The following ATP10D variants were observed in gnomAD, a reference collection of about 807,000 sequenced individuals.
ATP10D encodes phospholipid-transporting ATPase VD.
ATP10D carries 89 observed loss-of-function variants against 144.8 expected under a neutral mutation model. The ratio of observed to expected loss-of-function variants is 0.61; its 90% CI spans 0.52 to 0.73. The LOEUF is 0.73. ATP10D is among the 30% of genes least tolerant of loss of function. ATP10D has a pLI of 0.00. For missense variants in ATP10D, 1,603 were observed against 1,714.8 expected (o/e 0.93, Z 1.15); for synonymous variants, 571 against 615.1 (o/e 0.93, Z 1.06).
chr4:47,581,713 G>A (rs910056900), intron 20 of ATP10D, among the ~76,000 whole-genome samples: 1 of 152,144 alleles, frequency 6.6e-6, no homozygotes, highest in Non-Finnish European at 1.5e-5. Flanking sequence ...TGAGTGAAAG[G>A]TTCCAGGAGG....
At chr4:47,577,088 G>C in intron 19 of ATP10D, 115 bp downstream of exon 19, 1 of 898,644 alleles carries the variant, frequency 1.1e-6, no homozygotes, top group South Asian at 1.7e-5. Flanking sequence ...ATATCTGATT[G>C]TTTTAAAAGA....
intron 1 of ATP10D, among the ~76,000 whole-genome samples, chr4:47,497,549 C>T (rs1715453643): frequency 6.6e-6 from 1 of 151,986 alleles, no homozygotes; most frequent in Non-Finnish European, 1.5e-5. Flanking sequence ...TCAAATAGGC[C>T]ATGAAAATAT....
At chr4:47,566,615 AT>A (rs1719651624) in intron 15 of ATP10D, among the ~76,000 whole-genome samples, 1 of 152,046 alleles carries the variant, frequency 6.6e-6, no homozygotes, top group African/African-American at 2.4e-5. Context: ...ATTACAGTAT[AT>A]TTTCTAATTA....
At chr4:47,566,401 T>A (rs1251291845) in intron 15 of ATP10D, among the ~76,000 whole-genome samples, 1 of 152,186 alleles carries the variant, frequency 6.6e-6, no homozygotes, top group Non-Finnish European at 1.5e-5. Flanking sequence ...TAATTTCATT[T>A]AAATTTTTCT....
At chr4:47,528,517 A>T (rs567721982) in intron 5 of ATP10D, among the ~76,000 whole-genome samples, 1 of 93,448 alleles carries the variant, frequency 1.1e-5, no homozygotes, top group East Asian at 2.1e-4. Flanking sequence ...GTGTGTGTAT[A>T]TATATATATA....
chr4:47,528,056 G>C (rs895723988), intron 5 of ATP10D, among the ~76,000 whole-genome samples: 1 of 152,118 alleles, frequency 6.6e-6, no homozygotes. Flanking sequence ...AAAAGTAACA[G>C]TGCGATGGAA....
chr4:47,527,716 CAA>C (rs1472581005), intron 5 of ATP10D, among the ~76,000 whole-genome samples: 2 of 151,982 alleles, frequency 1.3e-5, no homozygotes, highest in Non-Finnish European at 2.9e-5. Context: ...TTACCTGCTA[CAA>C]TTAAAAAGAT....
intron 22 of ATP10D, among the ~76,000 whole-genome samples, chr4:47,588,574 C>T (rs148692955): frequency 2.2e-4 from 34 of 152,258 alleles, no homozygotes; most frequent in African/African-American, 7.7e-4. Flanking sequence ...CAGCCCTTTA[C>T]AGAAAAGGTT....
chr4:47,489,258 G>C (rs1418246771), intron 1 of ATP10D, among the ~76,000 whole-genome samples: 1 of 152,042 alleles, frequency 6.6e-6, no homozygotes, highest in Non-Finnish European at 1.5e-5. Context: ...AACAAACGTG[G>C]ACAACAAATC....
In ATP10D at chr4:47,535,289, G is replaced by A. The variant is rs557632117; in HGVS notation, c.777-220G>A. On this transcript the variant is annotated intron_variant, in intron 5 of 22. Coordinates refer to ENST00000273859, the MANE Select transcript of ATP10D (RefSeq NM_020453.4). Reference sequence around the variant, plus strand: ...CACAATTTACCTACATAGTAAACCTGCACGTGTACCACCTGAACCTAAAAG... The same window carrying A: ...CACAATTTACCTACATAGTAAACCTACACGTGTACCACCTGAACCTAAAAG... Among the ~76,000 whole-genome samples the A allele has an allele frequency of 9.3e-4, 138 of 149,084 alleles. 1 individual carries two copies. In the South Asian group the frequency reaches 0.012, roughly 13 times the overall value.
At chr4:47,514,496 A>C (rs749289886) in intron 2 of ATP10D, among the ~76,000 whole-genome samples, 2 of 152,226 alleles carry the variant, frequency 1.3e-5, no homozygotes, top group Admixed American at 6.5e-5. Flanking sequence ...TCTTTTGAGA[A>C]GTTTCATGGT....
Position 47,546,635 on chromosome 4 carries a change from G to A in ATP10D, c.1408G>A (p.Glu470Lys). 6.2e-7 allele frequency: 1 copy of A among 1,614,042 alleles called. No homozygotes were observed. Among genetic ancestry groups the A allele is most frequent in the Admixed American group, 1.7e-5 (1 of 60,022 alleles). Reference sequence around the variant, plus strand: ...TTTTTATCCCACAGCCAGGAGGTTGGAGTCCTATCAGGAAGCTGTCTCTGA... The same window carrying A: ...TTTTTATCCCACAGCCAGGAGGTTGAAGTCCTATCAGGAAGCTGTCTCTGA... The part of the protein sequence containing the change: ...YCHEENARRL[E>K]SYQEAVSEDE... The change falls in exon 10 of 23, where the codon GAG becomes AAG. Residue 470 changes from glutamate (E) to lysine (K), a missense_variant. By Grantham distance (56) the Glu-to-Lys change is moderately conservative. Coordinates refer to ENST00000273859, the MANE Select transcript of ATP10D (RefSeq NM_020453.4).
chr4:47,536,177 C>G (rs1717836781), intron 7 of ATP10D, 144 bp downstream of exon 7: 6 of 1,121,120 alleles, frequency 5.4e-6, no homozygotes, highest in Non-Finnish European at 7.6e-6. Context: ...CTCTTTCATC[C>G]TTTAGCCTGA....
chr4:47,523,256 T>C, intron 4 of ATP10D, 40 bp downstream of exon 4: 1 of 1,534,712 alleles, frequency 6.5e-7, no homozygotes, highest in Non-Finnish European at 9.0e-7. Context: ...ATTAACATTT[T>C]TTTTCAGAAG....
chr4:47,570,802 CAAA>C (rs35697866), intron 16 of ATP10D, among the ~76,000 whole-genome samples: 2 of 129,358 alleles, frequency 1.5e-5, no homozygotes, highest in African/African-American at 5.7e-5. Context: ...GATTCTGTCT[CAAA>C]AAAAAAAAAG....
At chr4:47,537,910 G>C (rs538125893) in intron 9 of ATP10D, among the ~76,000 whole-genome samples, 7 of 152,082 alleles carry the variant, frequency 4.6e-5, no homozygotes, top group Non-Finnish European at 1.0e-4. Context: ...TTTATGACAA[G>C]AAGATAGATA....
At chr4:47,522,807 G>A (rs1024595370) in intron 3 of ATP10D, among the ~76,000 whole-genome samples, 1 of 152,098 alleles carries the variant, frequency 6.6e-6, no homozygotes, top group Non-Finnish European at 1.5e-5. Flanking sequence ...GACCTCAGGC[G>A]ATCCACCCAT....
chr4:47,516,352 C>T (rs765755460), intron 3 of ATP10D, among the ~76,000 whole-genome samples: 2 of 151,948 alleles, frequency 1.3e-5, no homozygotes, highest in Non-Finnish European at 2.9e-5. Flanking sequence ...TTTTTAGGGG[C>T]ATATTTGCTG....
chr4:47,570,048 G>A (rs1456203176), intron 16 of ATP10D, among the ~76,000 whole-genome samples: 1 of 152,206 alleles, frequency 6.6e-6, no homozygotes, highest in Non-Finnish European at 1.5e-5. Flanking sequence ...TTTTGAGCTG[G>A]AGTGGGACAT....
Sources: allele counts gnomAD v4.1 joint callset (sites outside exome capture counted in the v4.1 genomes callset), GRCh38; gene constraint gnomAD v4.1.1; transcripts MANE v1.5; gene names NCBI Gene and HGNC (gene_info 2026-07-23, HGNC 2026-07-21).